Variants in TMEM232 observed in about 807,000 individuals in gnomAD.
TMEM232 encodes transmembrane protein 232.
Under a neutral mutation model 78.8 loss-of-function variants are expected in TMEM232, and 80 were observed. That is an observed-to-expected ratio of 1.01 (90% CI 0.85 to 1.22). The LOEUF is 1.22. Ranked by LOEUF, TMEM232 falls within the 50% of genes most tolerant of loss-of-function variation. The probability of loss-of-function intolerance (pLI) is 0.00; values close to 1 mark genes in which losing one functional copy is unlikely to be tolerated. For missense variants in TMEM232, 881 were observed against 742.2 expected (o/e 1.19, Z -2.17); for synonymous variants, 297 against 254.3 (o/e 1.17, Z -1.60).
At chr5:110,451,916 T>C (rs1760338638) in intron 12 of TMEM232, among the ~76,000 whole-genome samples, 1 of 152,108 alleles carries the variant, frequency 6.6e-6, no homozygotes, top group Non-Finnish European at 1.5e-5. Flanking sequence ...TTCACCAATT[T>C]ATTTAACAGA....
At chr5:110,582,734 C>A (rs778708246) in intron 10 of TMEM232, among the ~76,000 whole-genome samples, 1 of 151,780 alleles carries the variant, frequency 6.6e-6, no homozygotes. Context: ...TGTTTGCAGA[C>A]GACATAATCT....
intron 10 of TMEM232, among the ~76,000 whole-genome samples, chr5:110,585,784 G>A (rs982500917): frequency 2.6e-5 from 4 of 152,020 alleles, no homozygotes; most frequent in African/African-American, 7.2e-5. Flanking sequence ...CCAGCTCCCT[G>A]CGGTCTCTGA....
intron 10 of TMEM232, among the ~76,000 whole-genome samples, chr5:110,569,967 C>G (rs1776755080): frequency 6.6e-6 from 1 of 151,884 alleles, no homozygotes; most frequent in African/African-American, 2.4e-5. Flanking sequence ...ACTTTTCTTT[C>G]TAGTCATGAC....
intron 2 of TMEM232, among the ~76,000 whole-genome samples, chr5:110,398,674 C>A (rs1171224916): frequency 6.6e-6 from 1 of 152,116 alleles, no homozygotes; most frequent in African/African-American, 2.4e-5. Context: ...GAAGAGGTAA[C>A]ATCTCTCTAG....
chr5:110,454,712 G>A (rs1484395214), intron 12 of TMEM232, among the ~76,000 whole-genome samples: 1 of 151,968 alleles, frequency 6.6e-6, no homozygotes, highest in African/African-American at 2.4e-5. Flanking sequence ...AAAGGAAGGT[G>A]TGTAACATTA....
intron 12 of TMEM232, among the ~76,000 whole-genome samples, chr5:110,515,267 C>T (rs529157010): frequency 1.1e-3 from 160 of 152,264 alleles, no homozygotes; most frequent in African/African-American, 3.8e-3. Flanking sequence ...TGGCAAAATG[C>T]TACCTAGAAC....
intron 2 of TMEM232, among the ~76,000 whole-genome samples, chr5:110,663,751 G>GTGTGTA (rs1561476472): frequency 6.6e-6 from 1 of 151,294 alleles, no homozygotes; most frequent in Non-Finnish European, 1.5e-5. Flanking sequence ...GTGTATGTGT[G>GTGTGTA]TGTGTGTGTG....
chr5:110,629,734 T>C lies in TMEM232; in HGVS notation c.502-1854A>G, dbSNP rs543333849. The stretch of plus-strand genomic sequence containing the variant: ...ATCATGTGTTGTATTTTAATAGTTA[T>C]ATGTTTTTGGTTCTTGCATAGAATC... On this transcript the variant is annotated intron_variant, in intron 5 of 13. Coordinates refer to ENST00000455884, the MANE Select transcript of TMEM232 (RefSeq NM_001039763.4). Among the ~76,000 whole-genome samples the C allele has an allele frequency of 1.6e-4, 24 of 152,298 alleles. No homozygotes were observed. The South Asian group carries it at 3.5e-3, about 22-fold the overall frequency.
At chr5:110,633,275 T>A (rs112114763) in intron 5 of TMEM232, among the ~76,000 whole-genome samples, 4 of 151,982 alleles carry the variant, frequency 2.6e-5, no homozygotes, top group Non-Finnish European at 5.9e-5. Flanking sequence ...ATAGTTATTA[T>A]CATGAAAACA....
At chr5:110,728,954 A>G (rs144932774), upstream of TMEM232, among the ~76,000 whole-genome samples, 1,836 of 151,064 alleles carry the variant, frequency 0.012, 47 homozygotes, top group African/African-American at 0.042. Flanking sequence ...GAGCGATCTC[A>G]GCTCATTGCA....
At chr5:110,401,934 T>TA (rs1755616377) in intron 2 of TMEM232, among the ~76,000 whole-genome samples, 1 of 152,114 alleles carries the variant, frequency 6.6e-6, no homozygotes, top group Admixed American at 6.6e-5. Flanking sequence ...TGAGTCCTCA[T>TA]GATTTCTATT....
intron 1 of TMEM232, among the ~76,000 whole-genome samples, chr5:110,693,545 A>C (rs1372592394): frequency 6.6e-6 from 1 of 152,180 alleles, no homozygotes; most frequent in Non-Finnish European, 1.5e-5. Flanking sequence ...CAAAGAAGTT[A>C]AAAACCCTGA....
At chr5:110,418,667 A>C (rs1463635715), downstream of TMEM232, among the ~76,000 whole-genome samples, 2 of 152,172 alleles carry the variant, frequency 1.3e-5, no homozygotes, top group Non-Finnish European at 2.9e-5. Context: ...AGCATGTTGG[A>C]AGTATTAAGA....
At chr5:110,603,452 G>T (rs951654698) in intron 10 of TMEM232, among the ~76,000 whole-genome samples, 9 of 152,088 alleles carry the variant, frequency 5.9e-5, no homozygotes, top group African/African-American at 2.2e-4. Context: ...TGGGAGTAAA[G>T]ATTCTTCCCA....
chr5:110,704,950 G>T (rs1030085198), intron 1 of TMEM232, among the ~76,000 whole-genome samples: 1 of 151,970 alleles, frequency 6.6e-6, no homozygotes, highest in African/African-American at 2.4e-5. Flanking sequence ...TGTGACTGGA[G>T]GTCTATGAAA....
chr5:110,593,537 A>G (rs1779786073), intron 10 of TMEM232, among the ~76,000 whole-genome samples: 1 of 152,150 alleles, frequency 6.6e-6, no homozygotes, highest in African/African-American at 2.4e-5. Context: ...ATGGAACTAG[A>G]GGTCATTATG....
intron 12 of TMEM232, among the ~76,000 whole-genome samples, chr5:110,522,460 T>C (rs894938056): frequency 1.3e-5 from 2 of 152,180 alleles, no homozygotes; most frequent in African/African-American, 4.8e-5. Context: ...TGAACAGAAA[T>C]AGCAAGAATG....
intron 12 of TMEM232, among the ~76,000 whole-genome samples, chr5:110,486,136 A>AT (rs943301310): frequency 5.3e-5 from 8 of 150,226 alleles, no homozygotes; most frequent in Non-Finnish European, 8.9e-5. Flanking sequence ...AGAACTGTCT[A>AT]TTCATGTCCT....
At chr5:110,738,318 T>TTA (rs1424908699), upstream of TMEM232, 1 of 1,177,854 alleles carries the variant, frequency 8.5e-7, no homozygotes, top group African/African-American at 1.6e-5. Flanking sequence ...ACGATATAAC[T>TTA]GGGATTTCAA....
Sources: allele counts gnomAD v4.1 joint callset (sites outside exome capture counted in the v4.1 genomes callset), GRCh38; gene constraint gnomAD v4.1.1; transcripts MANE v1.5; gene names NCBI Gene and HGNC (gene_info 2026-07-23, HGNC 2026-07-21).